The following SETBP1 variants were observed in gnomAD, a reference collection of about 807,000 sequenced individuals.
The protein encoded by SETBP1 is SET binding protein 1.
A neutral mutation model predicts 101.0 loss-of-function variants in SETBP1; 9 were observed. The observed-to-expected ratio is 0.09, with a 90% CI of 0.05 to 0.16. SETBP1 has a LOEUF of 0.16. Ranked by LOEUF, SETBP1 falls within the 10% of genes least tolerant of loss-of-function variation. SETBP1 has a pLI of 1.00. For missense variants in SETBP1, 1,858 were observed against 2,033.8 expected (o/e 0.91, Z 1.66); for synonymous variants, 818 against 788.5 (o/e 1.04, Z -0.63).
chr18:44,873,469 A>C (rs930529030), intron 3 of SETBP1, among the ~76,000 whole-genome samples: 2 of 152,180 alleles, frequency 1.3e-5, no homozygotes, highest in Non-Finnish European at 2.9e-5. Context: ...GAAAATTCAA[A>C]TGTAGAAGAA....
chr18:45,053,130 G>GA (rs34663046), intron 5 of SETBP1, among the ~76,000 whole-genome samples: 248 of 148,020 alleles, frequency 1.7e-3, no homozygotes, highest in Middle Eastern at 0.011. Context: ...GTTGTTGGGG[G>GA]AAAAAAAAAA....
At chr18:44,886,375 A>G (rs2069648216) in intron 3 of SETBP1, among the ~76,000 whole-genome samples, 1 of 152,144 alleles carries the variant, frequency 6.6e-6, no homozygotes, top group Non-Finnish European at 1.5e-5. Context: ...AGAGCTTACT[A>G]CTTGGGACAG....
chr18:44,809,397 G>T (rs1218322899), intron 2 of SETBP1, among the ~76,000 whole-genome samples: 2 of 152,210 alleles, frequency 1.3e-5, no homozygotes, highest in Non-Finnish European at 2.9e-5. Context: ...CATTTCCCCA[G>T]TCTGGACATA....
intron 2 of SETBP1, among the ~76,000 whole-genome samples, chr18:44,767,211 G>A (rs117224521): frequency 0.03 from 4,545 of 152,312 alleles, 102 homozygotes; most frequent in South Asian, 0.11. Context: ...CAGATGATGC[G>A]CTCATCTGCA....
intron 2 of SETBP1, among the ~76,000 whole-genome samples, chr18:44,732,246 T>C (rs1184766939): frequency 6.6e-6 from 1 of 152,250 alleles, no homozygotes; most frequent in African/African-American, 2.4e-5. Context: ...AAATATGATA[T>C]TCTTGGAATT....
intron 2 of SETBP1, among the ~76,000 whole-genome samples, chr18:44,753,220 C>T (rs1371321498): frequency 6.6e-6 from 1 of 152,170 alleles, no homozygotes; most frequent in Non-Finnish European, 1.5e-5. Context: ...TCCACTGAGG[C>T]TGCTCTTGTG....
chr18:44,758,473 C>T (rs1391686549), intron 2 of SETBP1, among the ~76,000 whole-genome samples: 4 of 151,796 alleles, frequency 2.6e-5, no homozygotes, highest in African/African-American at 9.7e-5. Flanking sequence ...AGCTCTGCCT[C>T]CCGGGTTGAG....
chr18:44,876,503 G>T, intron 3 of SETBP1: 1 of 1,180,456 alleles, frequency 8.5e-7, no homozygotes, highest in Non-Finnish European at 1.2e-6. Flanking sequence ...GTCTGGGTGG[G>T]GTCTGGATAT....
intron 4 of SETBP1, among the ~76,000 whole-genome samples, chr18:45,029,975 C>T (rs1425453756): frequency 6.7e-6 from 1 of 149,256 alleles, no homozygotes; most frequent in Non-Finnish European, 1.5e-5. Context: ...ATTTGACTTC[C>T]TCTTTTCCTA....
chr18:45,027,295 A>G (rs932602103), intron 4 of SETBP1, among the ~76,000 whole-genome samples: 1 of 152,214 alleles, frequency 6.6e-6, no homozygotes, highest in African/African-American at 2.4e-5. Context: ...CTCTGAATCT[A>G]GAAAGCTCAG....
chr18:44,984,621 G>T (rs762444956), intron 4 of SETBP1, among the ~76,000 whole-genome samples: 2 of 152,138 alleles, frequency 1.3e-5, no homozygotes, highest in African/African-American at 2.4e-5. Context: ...ATGATGAAGT[G>T]ATGTTGGCAT....
At chr18:44,801,200 C>T (rs1232674666) in intron 2 of SETBP1, among the ~76,000 whole-genome samples, 1 of 151,960 alleles carries the variant, frequency 6.6e-6, no homozygotes, top group East Asian at 1.9e-4. Context: ...TTAATGGGTG[C>T]AGCACACCAA....
intron 4 of SETBP1, 66 bp downstream of exon 4, chr18:44,953,406 C>A: frequency 1.4e-6 from 2 of 1,391,038 alleles, no homozygotes; most frequent in South Asian, 1.2e-5. Context: ...GCACCTCAGA[C>A]ACATCTGTGG....
rs1249414632 is a variant in SETBP1 at position 44,952,554 on chromosome 18, C to T, written c.3214C>T (p.Pro1072Ser). 6.2e-7 allele frequency: 1 copy of T among 1,614,010 alleles called. No homozygotes were observed. Among genetic ancestry groups the T allele is most frequent in the African/African-American group, 1.3e-5 (1 of 74,892 alleles). The stretch of plus-strand genomic sequence containing the variant: ...TGGTTATTACGGTCAGTACCCAGCT[C>T]CTTTGTACCTATCGCACACGCTTGG... ...NLGYYGQYPA[P>S]LYLSHTLGAA... Residue 1072 changes from proline to serine, a missense_variant, in exon 4 of 6, where the codon CCT (proline) becomes TCT (serine). Pro to Ser is a moderately conservative substitution (Grantham distance 74, BLOSUM62 -1). Transcript: ENST00000649279.
chr18:44,839,241 C>A (rs2072562689), intron 2 of SETBP1, among the ~76,000 whole-genome samples: 3 of 152,028 alleles, frequency 2.0e-5, no homozygotes, highest in Middle Eastern at 6.8e-3. Context: ...AAATTGTGCT[C>A]CTTGGTGGGA....
At chr18:45,051,891 G>T (rs138218432) in intron 5 of SETBP1, among the ~76,000 whole-genome samples, 3 of 152,292 alleles carry the variant, frequency 2.0e-5, no homozygotes, top group East Asian at 3.9e-4. Flanking sequence ...TGCTCTGAAC[G>T]GAGTAGGGAA....
chr18:44,711,987 C>T (rs561977447), intron 2 of SETBP1, among the ~76,000 whole-genome samples: 1 of 152,340 alleles, frequency 6.6e-6, no homozygotes, highest in South Asian at 2.1e-4. Context: ...CCCTTCTTCC[C>T]TGGGCCAACT....
intron 2 of SETBP1, among the ~76,000 whole-genome samples, chr18:44,795,214 C>G (rs1274678891): frequency 1.3e-5 from 2 of 152,164 alleles, no homozygotes; most frequent in Non-Finnish European, 2.9e-5. Flanking sequence ...CTTGAAATAC[C>G]ATGACTTATT....
intron 3 of SETBP1, among the ~76,000 whole-genome samples, chr18:44,924,080 C>T (rs985669710): frequency 1.3e-5 from 2 of 152,088 alleles, no homozygotes; most frequent in African/African-American, 4.8e-5. Context: ...TTTTATTTGG[C>T]TGTAGACAGA....
Sources: allele counts gnomAD v4.1 joint callset (sites outside exome capture counted in the v4.1 genomes callset), GRCh38; gene constraint gnomAD v4.1.1; transcripts MANE v1.5; gene names NCBI Gene and HGNC (gene_info 2026-07-23, HGNC 2026-07-21).